The following PCDH9 variants were observed in gnomAD, a reference collection of about 807,000 sequenced individuals.
PCDH9 encodes protocadherin 9.
In PCDH9, 24 loss-of-function variants were observed where a neutral mutation model predicts 70.6. The observed-to-expected ratio is 0.34, with a 90% CI of 0.25 to 0.48. PCDH9 has a LOEUF of 0.48. Ranked by LOEUF, PCDH9 falls within the 20% of genes least tolerant of loss-of-function variation. The pLI, the probability that PCDH9 is intolerant of heterozygous loss-of-function variation, is 0.99. For missense variants in PCDH9, 1,281 were observed against 1,503.6 expected (o/e 0.85, Z 2.45); for synonymous variants, 562 against 558.5 (o/e 1.01, Z -0.09).
intron 4 of PCDH9, among the ~76,000 whole-genome samples, chr13:66,577,447 T>A (rs1486147542): frequency 1.3e-5 from 2 of 151,938 alleles, no homozygotes; most frequent in Non-Finnish European, 2.9e-5. Flanking sequence ...ATAATATCTA[T>A]ATTATCAATA....
chr13:66,659,665 A>G (rs1356653947), intron 3 of PCDH9, among the ~76,000 whole-genome samples: 2 of 151,670 alleles, frequency 1.3e-5, no homozygotes, highest in African/African-American at 2.4e-5. Context: ...TCCCTGAAAG[A>G]CTTTTTAAAC....
chr13:66,545,006 A>C (rs541320463), intron 4 of PCDH9, among the ~76,000 whole-genome samples: 1 of 152,322 alleles, frequency 6.6e-6, no homozygotes, highest in South Asian at 2.1e-4. Flanking sequence ...TTACTTGGCC[A>C]GTTTGAATAA....
chr13:66,415,218 C>T (rs1376306069), intron 4 of PCDH9, among the ~76,000 whole-genome samples: 2 of 152,118 alleles, frequency 1.3e-5, no homozygotes, highest in East Asian at 3.9e-4. Flanking sequence ...ATATTTTCCT[C>T]ACCTTCCATC....
intron 2 of PCDH9, chr13:67,207,118 G>T (rs1465948203): frequency 6.7e-6 from 1 of 148,704 alleles, no homozygotes; most frequent in East Asian, 2.0e-4. Context: ...TATGTGCTCA[G>T]TGGCAAAATT....
At chr13:66,777,220 G>C (rs2079911049) in intron 3 of PCDH9, among the ~76,000 whole-genome samples, 1 of 151,990 alleles carries the variant, frequency 6.6e-6, no homozygotes, top group South Asian at 2.1e-4. Flanking sequence ...ACAGGCATGG[G>C]CAAGGACTTC....
In PCDH9 at chr13:66,919,144, C is replaced by A. The variant is rs1002989121; in HGVS notation, c.3037-15539G>T. ...TTTATCTTCTCACTATTTAGTATTT[C>A]TCTGGGGAACTTCATACAATTCTGT... On this transcript the variant is annotated intron_variant, in intron 2 of 4. Coordinates refer to ENST00000377865, the MANE Select transcript of PCDH9 (RefSeq NM_203487.3). Among the ~76,000 whole-genome samples, 16 of 151,266 alleles carry A rather than the reference C, an allele frequency of 1.1e-4. No homozygotes were observed. In the East Asian group the frequency reaches 1.7e-3, roughly 17 times the overall value.
chr13:66,380,743 C>G (rs562769314), intron 4 of PCDH9, among the ~76,000 whole-genome samples: 2 of 151,912 alleles, frequency 1.3e-5, no homozygotes, highest in South Asian at 4.2e-4. Flanking sequence ...CGGGGTTTCA[C>G]CGTGTTAGCC....
chr13:67,094,662 CTTCT>C (rs1378306473), intron 2 of PCDH9, among the ~76,000 whole-genome samples: 98 of 145,404 alleles, frequency 6.7e-4, no homozygotes, highest in Non-Finnish European at 1.4e-3. Context: ...CCAGATTCTT[CTTCT>C]TTTTTTTTTT....
At chr13:67,200,599 A>AT (rs1255790890) in intron 2 of PCDH9, among the ~76,000 whole-genome samples, 2 of 152,162 alleles carry the variant, frequency 1.3e-5, no homozygotes, top group African/African-American at 4.8e-5. Context: ...AACTTTTACT[A>AT]TTAAATGTCT....
At chr13:67,171,841 C>T (rs1310297265) in intron 2 of PCDH9, among the ~76,000 whole-genome samples, 1 of 152,144 alleles carries the variant, frequency 6.6e-6, no homozygotes, top group Non-Finnish European at 1.5e-5. Context: ...TGCAAAGTTC[C>T]TAACAGCAGA....
At chr13:66,429,945 C>A (rs1957741612) in intron 4 of PCDH9, among the ~76,000 whole-genome samples, 1 of 151,948 alleles carries the variant, frequency 6.6e-6, no homozygotes, top group South Asian at 2.1e-4. Flanking sequence ...CCTCTTTACC[C>A]ATAAGGTATG....
chr13:66,729,827 C>G (rs2079049514), intron 3 of PCDH9, among the ~76,000 whole-genome samples: 1 of 152,130 alleles, frequency 6.6e-6, no homozygotes, highest in South Asian at 2.1e-4. Context: ...TGATGATCCT[C>G]TATCCTAATC....
At chr13:66,471,487 G>A (rs1425437382) in intron 4 of PCDH9, among the ~76,000 whole-genome samples, 1 of 152,088 alleles carries the variant, frequency 6.6e-6, no homozygotes, top group Admixed American at 6.6e-5. Flanking sequence ...TTCTCAGCTT[G>A]TGTATGTGTA....
At chr13:67,046,045 T>C (rs1156286633) in intron 2 of PCDH9, among the ~76,000 whole-genome samples, 1 of 152,184 alleles carries the variant, frequency 6.6e-6, no homozygotes, top group African/African-American at 2.4e-5. Flanking sequence ...TTTATACTAA[T>C]AGATAATCTT....
chr13:66,889,851 C>T (rs545433056), intron 3 of PCDH9, among the ~76,000 whole-genome samples: 1 of 152,104 alleles, frequency 6.6e-6, no homozygotes, highest in East Asian at 1.9e-4. Flanking sequence ...ATGTACATCG[C>T]TTTTTGGCGA....
At chr13:66,753,441 A>G (rs2079491005) in intron 3 of PCDH9, among the ~76,000 whole-genome samples, 1 of 152,222 alleles carries the variant, frequency 6.6e-6, no homozygotes, top group South Asian at 2.1e-4. Context: ...ATATCAAAAC[A>G]TCACTATGGA....
At chr13:66,487,792 T>G (rs1163580763) in intron 4 of PCDH9, among the ~76,000 whole-genome samples, 1 of 152,192 alleles carries the variant, frequency 6.6e-6, no homozygotes, top group Non-Finnish European at 1.5e-5. Context: ...TTACTTTTCC[T>G]GAGTTAATCT....
At chr13:66,734,653 C>A (rs764640917) in intron 3 of PCDH9, among the ~76,000 whole-genome samples, 2 of 152,138 alleles carry the variant, frequency 1.3e-5, no homozygotes, top group Non-Finnish European at 2.9e-5. Flanking sequence ...TTCTAAGTTT[C>A]AAATTTTTGA....
intron 3 of PCDH9, among the ~76,000 whole-genome samples, chr13:66,671,925 A>T (rs1000717018): frequency 1.8e-4 from 28 of 152,264 alleles, no homozygotes; most frequent in African/African-American, 6.3e-4. Flanking sequence ...AGAAATTTAC[A>T]TAAATAATGA....
Sources: allele counts gnomAD v4.1 joint callset (sites outside exome capture counted in the v4.1 genomes callset), GRCh38; gene constraint gnomAD v4.1.1; transcripts MANE v1.5; gene names NCBI Gene and HGNC (gene_info 2026-07-23, HGNC 2026-07-21).